Variants in EXOC6 observed in about 807,000 individuals in gnomAD.
EXOC6 encodes exocyst complex component 6, also known as SEC15-like 1.
In EXOC6, 60 loss-of-function variants were observed where a neutral mutation model predicts 112.5. The ratio of observed to expected loss-of-function variants is 0.53; its 90% CI spans 0.43 to 0.66. The LOEUF is 0.66. EXOC6 is among the 30% of genes least tolerant of loss of function. The probability of loss-of-function intolerance (pLI) is 0.00; values close to 1 mark genes in which losing one functional copy is unlikely to be tolerated. For synonymous variants in EXOC6, 295 were observed against 308.0 expected (o/e 0.96, Z 0.44); for missense variants, 855 against 957.1 (o/e 0.89, Z 1.41).
chr10:92,886,393 C>T (rs1013524963), intron 1 of EXOC6, among the ~76,000 whole-genome samples: 1 of 152,204 alleles, frequency 6.6e-6, no homozygotes, highest in African/African-American at 2.4e-5. Context: ...CCTCAGTTAT[C>T]ATCCCCCTTT....
At chr10:92,960,304 G>C (rs918435819) in intron 17 of EXOC6, among the ~76,000 whole-genome samples, 3 of 152,174 alleles carry the variant, frequency 2.0e-5, no homozygotes, top group African/African-American at 7.2e-5. Context: ...TTCTGGAAAA[G>C]AGAAAGCTAT....
intron 12 of EXOC6, among the ~76,000 whole-genome samples, chr10:92,937,092 A>G (rs2133963253): frequency 6.6e-6 from 1 of 152,326 alleles, no homozygotes; most frequent in East Asian, 1.9e-4. Context: ...CAAAGTTTTG[A>G]GATTTCTAGC....
chr10:92,973,351 T>C (rs1842372242), intron 17 of EXOC6, among the ~76,000 whole-genome samples: 2 of 152,224 alleles, frequency 1.3e-5, no homozygotes, highest in East Asian at 1.9e-4. Context: ...ATAGGGCACA[T>C]TAAAATGCTA....
At chr10:92,971,349 AT>A (rs71028862) in intron 17 of EXOC6, among the ~76,000 whole-genome samples, 139,754 of 151,120 alleles carry the variant, frequency 0.92, 64,750 homozygotes, top group East Asian at 1. Flanking sequence ...CAGCCTAGTG[AT>A]TTTTTTTTCA....
At chr10:92,924,072 T>C (rs571114663) in intron 8 of EXOC6, among the ~76,000 whole-genome samples, 6 of 152,302 alleles carry the variant, frequency 3.9e-5, no homozygotes, top group Non-Finnish European at 5.9e-5. Flanking sequence ...AATTTAGATA[T>C]GTAGTAGGGA....
In EXOC6 at chr10:92,996,305, C is replaced by T. The variant is rs540333840; in HGVS notation, c.1954-1169C>T. Among the ~76,000 whole-genome samples the T allele has an allele frequency of 1.2e-4, 18 of 152,230 alleles. No individual in the cohort carries two copies. In the South Asian group the frequency reaches 3.5e-3, roughly 30 times the overall value. ...AGCAGTATTATGCAGGAGAACTTTA[C>T]CTAAAAGAGTTTTTATAATATTTTA... On this transcript the variant is annotated intron_variant, in intron 18 of 21. Coordinates refer to ENST00000260762, the MANE Select transcript of EXOC6 (RefSeq NM_019053.6).
At chr10:93,028,310 A>T (rs1845112668) in intron 20 of EXOC6, among the ~76,000 whole-genome samples, 1 of 151,976 alleles carries the variant, frequency 6.6e-6, no homozygotes, top group South Asian at 2.1e-4. Flanking sequence ...AAAAAGAAAA[A>T]AGTTTCCATT....
intron 1 of EXOC6, among the ~76,000 whole-genome samples, chr10:92,842,690 C>CTGGTGG (rs539094783): frequency 1.3e-5 from 2 of 151,388 alleles, no homozygotes; most frequent in Non-Finnish European, 1.5e-5. Flanking sequence ...GTCTTATAAA[C>CTGGTGG]TGGTGGTGGT....
chr10:92,939,213 A>G (rs191466467), intron 12 of EXOC6, among the ~76,000 whole-genome samples: 78 of 152,204 alleles, frequency 5.1e-4, no homozygotes, highest in African/African-American at 1.9e-3. Context: ...AAATTTTGAG[A>G]ATCTGGGAAA....
rs567816317 is a variant in EXOC6 at position 92,975,363 on chromosome 10, C to T, written c.1953+1131C>T. ...CGGTCTGAGAAGTGAGGAGCCCCTCCGCCCGGCAGCCGCCCCGTCTGAGAA... is the reference window on the plus strand; with the variant it reads ...CGGTCTGAGAAGTGAGGAGCCCCTCTGCCCGGCAGCCGCCCCGTCTGAGAA... On this transcript the variant is annotated intron_variant, in intron 18 of 21. Coordinates refer to ENST00000260762, the MANE Select transcript of EXOC6 (RefSeq NM_019053.6). Among the ~76,000 whole-genome samples, 25 of 150,322 alleles carry T rather than the reference C, an allele frequency of 1.7e-4. No homozygotes were observed. In the East Asian group the frequency reaches 2.4e-3, roughly 15 times the overall value.
intron 20 of EXOC6, among the ~76,000 whole-genome samples, chr10:93,026,823 C>G (rs1845048757): frequency 6.6e-6 from 1 of 152,152 alleles, no homozygotes; most frequent in South Asian, 2.1e-4. Context: ...CCTGGAGCCT[C>G]CCTATTCCCT....
At chr10:92,888,689 A>G (rs12250579) in intron 1 of EXOC6, among the ~76,000 whole-genome samples, 1,845 of 152,300 alleles carry the variant, frequency 0.012, 38 homozygotes, top group African/African-American at 0.043. Context: ...CTTTTAATAA[A>G]ATGTGTTAAA....
At chr10:92,932,004 T>C (rs1852066450) in intron 9 of EXOC6, among the ~76,000 whole-genome samples, 1 of 152,170 alleles carries the variant, frequency 6.6e-6, no homozygotes, top group Admixed American at 6.5e-5. Context: ...AGTAGCTTTA[T>C]TATAAACACC....
At position 92,829,320 on chromosome 10, in the gene EXOC6, C is replaced by T. The variant is rs74700456; in HGVS notation, c.-27+2376C>T. ...CCTCCTCAAGCCTGTCTATAAAATCCGATGCACTCCCCACAGGCTGGAAGT... is the reference window on the plus strand; with the variant it reads ...CCTCCTCAAGCCTGTCTATAAAATCTGATGCACTCCCCACAGGCTGGAAGT... On this transcript the variant is annotated intron_variant, in intron 1 of 22. Coordinates refer to the EXOC6 transcript ENST00000671701. Among the ~76,000 whole-genome samples, 107 of 152,270 alleles carry T rather than the reference C, an allele frequency of 7.0e-4. 1 individual carries two copies. The East Asian group carries it at 0.017, about 24-fold the overall frequency.
intron 1 of EXOC6, among the ~76,000 whole-genome samples, chr10:92,852,465 A>G (rs893251261): frequency 0.012 from 1 of 84 alleles, no homozygotes; most frequent in African/African-American, 0.014. Flanking sequence ...GATTTTACAA[A>G]AAATTTTAGA....
chr10:92,861,952 C>G (rs1230537766), intron 1 of EXOC6, among the ~76,000 whole-genome samples: 3 of 152,080 alleles, frequency 2.0e-5, no homozygotes, highest in Non-Finnish European at 2.9e-5. Context: ...AGAAGTGTAT[C>G]CCCCTCAAAT....
At chr10:93,053,673 G>A (rs1846409073) in intron 20 of EXOC6, among the ~76,000 whole-genome samples, 1 of 152,200 alleles carries the variant, frequency 6.6e-6, no homozygotes, top group African/African-American at 2.4e-5. Context: ...TACTTATAAA[G>A]CCTAAGAAAA....
chr10:92,903,453 A>T (rs1398718458), intron 5 of EXOC6, among the ~76,000 whole-genome samples: 6 of 151,868 alleles, frequency 4.0e-5, no homozygotes, highest in Admixed American at 3.9e-4. Flanking sequence ...GATTTAGATT[A>T]GACACAATCC....
At chr10:93,005,834 G>A (rs1027193641) in intron 19 of EXOC6, among the ~76,000 whole-genome samples, 4 of 152,300 alleles carry the variant, frequency 2.6e-5, no homozygotes, top group Admixed American at 2.0e-4. Flanking sequence ...GTTTCTTAAT[G>A]TGAAAGCCTT....
Sources: gnomAD v4.1 joint callset for allele counts (sites outside exome capture counted in the v4.1 genomes callset) on GRCh38, gnomAD v4.1.1 for gene constraint, MANE v1.5 for transcripts, NCBI Gene and HGNC (gene_info 2026-07-23, HGNC 2026-07-21) for gene names.